Variants in SDCCAG8 observed in about 807,000 individuals in gnomAD.
SDCCAG8 encodes serologically defined colon cancer antigen 8.
In SDCCAG8, 74 loss-of-function variants were observed where a neutral mutation model predicts 101.8. The ratio of observed to expected loss-of-function variants is 0.73; its 90% confidence interval spans 0.60 to 0.88. The LOEUF (loss-of-function observed/expected upper bound fraction) is 0.88, where lower values mean the gene tolerates loss of function less well. SDCCAG8 is among the 40% of genes least tolerant of loss of function. SDCCAG8 has a pLI of 0.00. For missense variants in SDCCAG8, 787 were observed against 822.6 expected, an observed-to-expected ratio of 0.96 and a Z score of 0.53; for synonymous variants, 281 against 292.9, an observed-to-expected ratio of 0.96 and a Z score of 0.41.
intron 1 of SDCCAG8, among the ~76,000 whole-genome samples, chr1:243,256,775 A>G (rs1384835153): frequency 6.6e-6 from 1 of 152,242 alleles, no homozygotes; most frequent in Non-Finnish European, 1.5e-5. Flanking sequence ...AAGCTCAGAG[A>G]GGTTGAATTA....
At chr1:243,411,343 C>A (rs2080161881) in intron 13 of SDCCAG8, among the ~76,000 whole-genome samples, 1 of 152,078 alleles carries the variant, frequency 6.6e-6, no homozygotes, top group African/African-American at 2.4e-5. Context: ...TCTCGAACTC[C>A]TGGGCTCAAG....
intron 9 of SDCCAG8, among the ~76,000 whole-genome samples, chr1:243,328,263 T>TTTTTGTTTGTTTGTTTG (rs1357148371): frequency 1.1e-4 from 17 of 151,416 alleles, no homozygotes; most frequent in African/African-American, 3.9e-4. Flanking sequence ...AGTAACCAGT[T>TTTTTGTTTGTTTGTTTG]TTTTGTTTGT....
chr1:243,478,118 A>G (rs2994339), intron 16 of SDCCAG8, among the ~76,000 whole-genome samples: 32,247 of 152,112 alleles, frequency 0.21, 3,712 homozygotes, highest in African/African-American at 0.29. Context: ...CGGAAAATGA[A>G]CTGGTGTCAG....
At chr1:243,393,676 T>C (rs2078862278) in intron 13 of SDCCAG8, among the ~76,000 whole-genome samples, 1 of 152,144 alleles carries the variant, frequency 6.6e-6, no homozygotes, top group Non-Finnish European at 1.5e-5. Flanking sequence ...ATCTAATGTA[T>C]ACAGTGTGGC....
In SDCCAG8 at chr1:243,308,135, C is replaced by G; in HGVS notation, c.887C>G (p.Thr296Ser). ...CAQHEAVLSQ[T>S]HTNVHMQTIE... Reference sequence around the variant, plus strand: ...CAGCATGAAGCTGTTCTTTCCCAAACCCATACTAATGTTCATATGCAGACC... The same window carrying G: ...CAGCATGAAGCTGTTCTTTCCCAAAGCCATACTAATGTTCATATGCAGACC... Residue 296 changes from threonine (T) to serine (S), a missense_variant, in exon 8 of 18, where the codon ACC (threonine) becomes AGC (serine). Physicochemically the swap from Thr to Ser is moderately conservative, Grantham distance 58. Coordinates refer to ENST00000366541, the MANE Select transcript of SDCCAG8 (RefSeq NM_006642.5). 1 of 1,614,180 alleles carries G rather than the reference C, an allele frequency of 6.2e-7. No individual in the cohort carries two copies. The highest frequency in any genetic ancestry group is 8.5e-7 in the Non-Finnish European group (1 of 1,180,040).
At chr1:243,356,219 A>C (rs762228576) in intron 12 of SDCCAG8, among the ~76,000 whole-genome samples, 2 of 152,192 alleles carry the variant, frequency 1.3e-5, no homozygotes, top group Non-Finnish European at 2.9e-5. Context: ...CTATATGTAG[A>C]TATATAGCTT....
intron 9 of SDCCAG8, among the ~76,000 whole-genome samples, chr1:243,328,558 TGAGCCACCACGCCCA>T (rs2074377522): frequency 6.6e-6 from 1 of 151,756 alleles, no homozygotes; most frequent in Non-Finnish European, 1.5e-5. Context: ...ATTACAGGCG[TGAGCCACCACGCCCA>T]GCCAATAACC....
chr1:243,364,839 A>AATAT (rs2147863085), intron 12 of SDCCAG8, among the ~76,000 whole-genome samples: 1 of 152,244 alleles, frequency 6.6e-6, no homozygotes, highest in Non-Finnish European at 1.5e-5. Context: ...TAAATTAAGA[A>AATAT]ATAGTATGTA....
rs368765067 is a variant in SDCCAG8 at position 243,460,172 on chromosome 1, T to G, written c.1986-28842T>G. On this transcript the variant is annotated intron_variant, in intron 16 of 17. Transcript: ENST00000366541. ...TTAGATTTGTAAAGAATCTATTTAT[T>G]AGAACAATTTATCAGGTGTTAATAA... Among the ~76,000 whole-genome samples, 270 of 152,360 alleles carry G rather than the reference T, an allele frequency of 1.8e-3. 9 individuals are homozygous for G. The South Asian group carries it at 0.054, about 31-fold the overall frequency.
Position 243,364,088 on chromosome 1 carries a change from C to T in SDCCAG8, c.1474-14633C>T, listed in dbSNP as rs150758721. Among the ~76,000 whole-genome samples the T allele has an allele frequency of 4.9e-3, 739 of 152,266 alleles. 5 individuals are homozygous for T. The highest frequency in any genetic ancestry group is 7.8e-3 in the Non-Finnish European group (529 of 68,012). On this transcript the variant is annotated intron_variant, in intron 12 of 17. Coordinates refer to ENST00000366541, the MANE Select transcript of SDCCAG8 (RefSeq NM_006642.5). ...ACTCCCCATAAGGTGAGATCACGTA[C>T]ACCATGTCTCAGTACAGAAGGATTT...
chr1:243,333,204 A>G (rs894668275), intron 10 of SDCCAG8, among the ~76,000 whole-genome samples: 3 of 152,126 alleles, frequency 2.0e-5, no homozygotes, highest in African/African-American at 7.2e-5. Context: ...CACCCCCTCA[A>G]GGAACTCATT....
chr1:243,359,798 T>C (rs2076594413), intron 12 of SDCCAG8, among the ~76,000 whole-genome samples: 1 of 152,214 alleles, frequency 6.6e-6, no homozygotes, highest in African/African-American at 2.4e-5. Context: ...AGTGATAGTA[T>C]CTAAATGAGA....
chr1:243,476,317 G>T (rs927617010), intron 16 of SDCCAG8: 6 of 985,322 alleles, frequency 6.1e-6, no homozygotes, highest in Non-Finnish European at 2.4e-6. Context: ...GCCAGGAGTT[G>T]TTATCAAATT....
At chr1:243,263,124 T>C (rs898095265) in intron 1 of SDCCAG8, among the ~76,000 whole-genome samples, 2 of 152,176 alleles carry the variant, frequency 1.3e-5, no homozygotes, top group Non-Finnish European at 2.9e-5. Context: ...ACACTTACAA[T>C]GTAATGTGGT....
At position 243,328,338 on chromosome 1, in the gene SDCCAG8, G is replaced by A. The variant is rs184753471; in HGVS notation, c.1069-2202G>A. On this transcript the variant is annotated intron_variant, in intron 9 of 17. Transcript: ENST00000366541. Reference sequence around the variant, plus strand: ...CTGTTGCCCAGGCTGGAGTGCAGTGGCACCATCTTGGCTCACTGCAACCTC... The same window carrying A: ...CTGTTGCCCAGGCTGGAGTGCAGTGACACCATCTTGGCTCACTGCAACCTC... Among the ~76,000 whole-genome samples the A allele has an allele frequency of 5.5e-4, 84 of 152,142 alleles. 1 individual carries two copies. Among genetic ancestry groups the A allele is most frequent in the Admixed American group, 4.1e-3 (63 of 15,288 alleles).
At chr1:243,279,532 A>C (rs75849704) in intron 4 of SDCCAG8, among the ~76,000 whole-genome samples, 2,597 of 152,356 alleles carry the variant, frequency 0.017, 78 homozygotes, top group African/African-American at 0.059. Flanking sequence ...TACTGAATGC[A>C]TATTGCTTTT....
chr1:243,378,817 C>T lies in SDCCAG8; in HGVS notation c.1570C>T (p.Leu524=). 6.2e-7 allele frequency: 1 copy of T among 1,614,092 alleles called. No homozygotes were observed. Among genetic ancestry groups the T allele is most frequent in the Non-Finnish European group, 8.5e-7 (1 of 1,179,986 alleles). The change falls in exon 13 of 18, where the codon CTA becomes TTA. Residue 524 remains leucine (L), a synonymous_variant. Transcript: ENST00000366541. The part of the protein sequence containing the change: ...AALAREECLR[L]TELLGESEHQ... ...CCTGGCCAGAGAGGAGTGCCTGAGA[C>T]TAACAGAACTGCTGGGCGAATCTGA...
intron 7 of SDCCAG8, 119 bp downstream of exon 7, chr1:243,304,896 T>C: frequency 2.9e-6 from 2 of 694,386 alleles, no homozygotes; most frequent in Non-Finnish European, 5.1e-6. Context: ...GACATTTTAA[T>C]ACACTTTAAA....
At chr1:243,382,731 G>T (rs1017529844) in intron 13 of SDCCAG8, among the ~76,000 whole-genome samples, 1 of 152,304 alleles carries the variant, frequency 6.6e-6, no homozygotes, top group East Asian at 1.9e-4. Flanking sequence ...GAGATGACTG[G>T]CAGGGACCCC....
Sources: allele counts gnomAD v4.1 joint callset (sites outside exome capture counted in the v4.1 genomes callset), GRCh38; gene constraint gnomAD v4.1.1; transcripts MANE v1.5; gene names NCBI Gene and HGNC (gene_info 2026-07-23, HGNC 2026-07-21).